Variants in CENPP observed in about 807,000 individuals in gnomAD.
The protein encoded by CENPP is centromere protein P.
A neutral mutation model predicts 35.6 loss-of-function variants in CENPP; 24 were observed. The ratio of observed to expected loss-of-function variants is 0.67; its 90% CI spans 0.49 to 0.95. The LOEUF is 0.95. CENPP is among the 40% of genes least tolerant of loss of function. The pLI, the probability that CENPP is intolerant of heterozygous loss-of-function variation, is 0.00. For synonymous variants in CENPP, 120 were observed against 125.5 expected (o/e 0.96, Z 0.29); for missense variants, 332 against 345.3 (o/e 0.96, Z 0.31).
At chr9:92,496,815 C>T (rs892972987) in intron 5 of CENPP, among the ~76,000 whole-genome samples, 15 of 152,072 alleles carry the variant, frequency 9.9e-5, no homozygotes, top group African/African-American at 3.4e-4. Flanking sequence ...GAGAAAGTAA[C>T]TTATATCGCA....
intron 5 of CENPP, among the ~76,000 whole-genome samples, chr9:92,430,059 G>T (rs553429066): frequency 6.6e-6 from 1 of 152,212 alleles, no homozygotes; most frequent in Admixed American, 6.5e-5. Flanking sequence ...CTCCTCAGAG[G>T]CCCTTCCAAG....
intron 5 of CENPP, among the ~76,000 whole-genome samples, chr9:92,507,181 G>C (rs984851627): frequency 6.6e-6 from 1 of 152,188 alleles, no homozygotes; most frequent in African/African-American, 2.4e-5. Flanking sequence ...GGTTAACCTG[G>C]TGGTGGTGCT....
intron 5 of CENPP, among the ~76,000 whole-genome samples, chr9:92,604,168 T>C (rs1851007907): frequency 6.6e-6 from 1 of 152,266 alleles, no homozygotes; most frequent in African/African-American, 2.4e-5. Flanking sequence ...GCAGTGTATG[T>C]TAGTTCCAGT....
At chr9:92,452,808 T>G (rs1346740211) in intron 5 of CENPP, among the ~76,000 whole-genome samples, 1 of 152,348 alleles carries the variant, frequency 6.6e-6, no homozygotes, top group South Asian at 2.1e-4. Context: ...AGATTCAACT[T>G]CTTCCTGGTT....
Position 92,386,730 on chromosome 9 carries a change from T to C in CENPP, c.564+6871T>C, listed in dbSNP as rs532678915. On this transcript the variant is annotated intron_variant, in intron 5 of 7. Coordinates refer to ENST00000375587, the MANE Select transcript of CENPP (RefSeq NM_001012267.3). ...TTCCACCAATTTCTAGCTAAGTGGT[T>C]ACTTCTTAGAAATGTGTGTGCTTGT... Among the ~76,000 whole-genome samples, 9 of 152,262 alleles carry C rather than the reference T, an allele frequency of 5.9e-5. No homozygotes were observed. In the East Asian group the frequency reaches 1.7e-3, roughly 29 times the overall value.
At chr9:92,412,515 C>G (rs536234989) in intron 5 of CENPP, among the ~76,000 whole-genome samples, 1 of 152,260 alleles carries the variant, frequency 6.6e-6, no homozygotes, top group African/African-American at 2.4e-5. Context: ...TCTCACTTTC[C>G]CCATTCCCAT....
chr9:92,385,637 T>C, intron 5 of CENPP: 1 of 1,614,120 alleles, frequency 6.2e-7, no homozygotes, highest in African/African-American at 1.3e-5. Context: ...TATGACCCTA[T>C]CGGTAATCTT....
At chr9:92,541,805 T>G (rs1388792127) in intron 5 of CENPP, among the ~76,000 whole-genome samples, 1 of 152,068 alleles carries the variant, frequency 6.6e-6, no homozygotes, top group Admixed American at 6.6e-5. Flanking sequence ...CCTTTTTTGT[T>G]TTTTTTGAGA....
At chr9:92,379,911 T>C (rs1159769439) in intron 5 of CENPP, 52 bp downstream of exon 5, 1 of 1,118,540 alleles carries the variant, frequency 8.9e-7, no homozygotes, top group Non-Finnish European at 1.4e-6. Flanking sequence ...AAAGCTGATA[T>C]TAATTGAGAA....
At chr9:92,522,691 G>C (rs1192478460) in intron 5 of CENPP, 1 of 1,614,138 alleles carries the variant, frequency 6.2e-7, no homozygotes, top group Non-Finnish European at 8.5e-7. Flanking sequence ...TGTAAAAACT[G>C]TTGTTTGCTG....
intron 2 of CENPP, among the ~76,000 whole-genome samples, chr9:92,334,642 G>T (rs1226669917): frequency 6.6e-6 from 1 of 152,042 alleles, no homozygotes; most frequent in African/African-American, 2.4e-5. Context: ...CACTTTGGGA[G>T]GCCTATGTGG....
rs1489562201 is a variant in CENPP at position 92,613,304 on chromosome 9, T to C, written c.*155T>C. Reference sequence around the variant, plus strand: ...ACATTATATGGAAACTCTCATGACATGAAAAATAAATACAACTAGTTAAGT... The same window carrying C: ...ACATTATATGGAAACTCTCATGACACGAAAAATAAATACAACTAGTTAAGT... On this transcript the variant is annotated 3_prime_UTR_variant, in exon 8 of 8. Coordinates refer to ENST00000375587, the MANE Select transcript of CENPP (RefSeq NM_001012267.3). 7.7e-6 allele frequency: 6 copies of C among 776,506 alleles called. No homozygotes were observed. The East Asian group carries it at 1.6e-4, about 21-fold the overall frequency. 48.1% of individuals were successfully genotyped at this position (776,506 alleles called of 1,614,324 possible). A position where few individuals can be genotyped will look rare whatever the true frequency, so the allele number is the denominator to read the frequency against.
At chr9:92,470,543 C>T (rs1845473029) in intron 5 of CENPP, 1 of 520,136 alleles carries the variant, frequency 1.9e-6, no homozygotes, top group Non-Finnish European at 3.3e-6. Context: ...CTGTTGAATG[C>T]AGGGATTTTT....
chr9:92,417,699 G>T, intron 5 of CENPP: 1 of 609,562 alleles, frequency 1.6e-6, no homozygotes, highest in Non-Finnish European at 2.6e-6. Flanking sequence ...TATCCAGAAA[G>T]AATGGGCAGT....
chr9:92,507,632 C>T (rs1847085332), intron 5 of CENPP, among the ~76,000 whole-genome samples: 1 of 152,164 alleles, frequency 6.6e-6, no homozygotes, highest in African/African-American at 2.4e-5. Flanking sequence ...TGGCAGGTGC[C>T]TCGATGTTCC....
intron 5 of CENPP, among the ~76,000 whole-genome samples, chr9:92,511,597 G>C (rs540998119): frequency 6.6e-6 from 1 of 151,942 alleles, no homozygotes; most frequent in Non-Finnish European, 1.5e-5. Context: ...TCCTCCATCA[G>C]GTTTTGTTGA....
intron 5 of CENPP, among the ~76,000 whole-genome samples, chr9:92,479,664 T>C (rs1845841974): frequency 6.6e-6 from 1 of 152,238 alleles, no homozygotes; most frequent in South Asian, 2.1e-4. Flanking sequence ...AAATGCCTTC[T>C]GGAAAATTCA....
chr9:92,505,322 A>G (rs2131168148), intron 5 of CENPP, among the ~76,000 whole-genome samples: 1 of 152,192 alleles, frequency 6.6e-6, no homozygotes, highest in South Asian at 2.1e-4. Flanking sequence ...ACCATTTTTC[A>G]CTGTATCAGG....
chr9:92,329,657 G>A (rs1484612009), intron 1 of CENPP, among the ~76,000 whole-genome samples: 1 of 152,046 alleles, frequency 6.6e-6, no homozygotes, highest in Non-Finnish European at 1.5e-5. Context: ...TCCTGCCTCA[G>A]CGACCCTCCA....
Sources: gnomAD v4.1 joint callset for allele counts (sites outside exome capture counted in the v4.1 genomes callset) on GRCh38, gnomAD v4.1.1 for gene constraint, MANE v1.5 for transcripts, NCBI Gene and HGNC (gene_info 2026-07-23, HGNC 2026-07-21) for gene names.